Variants in ANKRD28 observed in about 807,000 individuals in gnomAD.
ANKRD28 encodes serine/threonine-protein phosphatase 6 regulatory ankyrin repeat subunit A.
Under a neutral mutation model 126.5 loss-of-function variants are expected in ANKRD28, and 44 were observed. The ratio of observed to expected loss-of-function variants is 0.35; its 90% CI spans 0.27 to 0.45. The LOEUF (loss-of-function observed/expected upper bound fraction) is 0.45. Ranked by LOEUF, ANKRD28 falls within the 20% of genes least tolerant of loss-of-function variation. ANKRD28 has a pLI of 1.00. For missense variants in ANKRD28, 1,110 were observed against 1,316.6 expected, an observed-to-expected ratio of 0.84 and a Z score of 2.43; for synonymous variants, 442 against 468.5, an observed-to-expected ratio of 0.94 and a Z score of 0.73.
chr3:15,728,695 C>T (rs1360232816), intron 6 of ANKRD28, among the ~76,000 whole-genome samples: 2 of 152,226 alleles, frequency 1.3e-5, no homozygotes, highest in East Asian at 1.9e-4. Flanking sequence ...AACTCACAAT[C>T]TCTCTGATCT....
chr3:15,855,265 T>A (rs569394520), intron 1 of ANKRD28, among the ~76,000 whole-genome samples: 2 of 152,142 alleles, frequency 1.3e-5, no homozygotes, highest in South Asian at 4.2e-4. Flanking sequence ...TTATTAACTA[T>A]CCAAAATAGT....
At chr3:15,748,751 G>A (rs1023923661) in intron 4 of ANKRD28, among the ~76,000 whole-genome samples, 2 of 152,130 alleles carry the variant, frequency 1.3e-5, no homozygotes, top group Admixed American at 6.5e-5. Context: ...TTGCAAGGCT[G>A]GGAAAGTTTC....
chr3:15,686,600 T>C lies in ANKRD28; in HGVS notation c.1964-291A>G, dbSNP rs1317777366. On this transcript the variant is annotated intron_variant, in intron 18 of 27. Transcript: ENST00000683139. ...CATTTTATTTAGCTCTCTGGCAATG[T>C]GGTCAGGAAGAGTGCCTTGACTCCA... The C allele has an allele frequency of 1.4e-5, 6 of 416,198 alleles. No individual in the cohort carries two copies. In the East Asian group the frequency reaches 3.3e-4, roughly 23 times the overall value. 25.8% of individuals were successfully genotyped at this position (416,198 alleles called of 1,614,324 possible). A position where few individuals can be genotyped will look rare whatever the true frequency, so the allele number is the denominator to read the frequency against.
At chr3:15,672,204 A>G (rs927812346) in intron 27 of ANKRD28, among the ~76,000 whole-genome samples, 3 of 149,230 alleles carry the variant, frequency 2.0e-5, no homozygotes, top group African/African-American at 5.0e-5. Context: ...GGAGTGCAGT[A>G]TAATGATCAT....
At chr3:15,802,759 T>C (rs948113216), upstream of ANKRD28, among the ~76,000 whole-genome samples, 2 of 152,188 alleles carry the variant, frequency 1.3e-5, no homozygotes, top group Non-Finnish European at 2.9e-5. Context: ...GGTACTGTTA[T>C]CAAATCTCTA....
intron 2 of ANKRD28, among the ~76,000 whole-genome samples, chr3:15,779,696 T>C (rs992738162): frequency 6.6e-6 from 1 of 152,220 alleles, no homozygotes; most frequent in Non-Finnish European, 1.5e-5. Flanking sequence ...TCCTACAATA[T>C]GGAAGGCATG....
chr3:15,807,114 C>T (rs1227649997), intron 1 of ANKRD28, among the ~76,000 whole-genome samples: 2 of 152,152 alleles, frequency 1.3e-5, no homozygotes, highest in Non-Finnish European at 2.9e-5. Flanking sequence ...CCTTCATAGC[C>T]ACATGTTAAT....
In ANKRD28 at chr3:15,793,322, A is replaced by C. The variant is rs142099830; in HGVS notation, c.201+1901T>G. ...ATCTTGACTTTAAGGCAACACTCTC[A>C]ACTACTAAGAAAGGGTCACGAGAGA... On this transcript the variant is annotated intron_variant, in intron 2 of 27. Coordinates refer to ENST00000683139, the MANE Select transcript of ANKRD28 (RefSeq NM_001349278.2). 4.1e-3 allele frequency among the ~76,000 whole-genome samples: 619 copies of C among 152,284 alleles called. 11 individuals carry two copies. Among genetic ancestry groups the C allele is most frequent in the Admixed American group, 0.027 (420 of 15,296 alleles).
intron 1 of ANKRD28, among the ~76,000 whole-genome samples, chr3:15,803,066 T>C (rs1575735665): frequency 6.6e-6 from 1 of 152,188 alleles, no homozygotes; most frequent in Non-Finnish European, 1.5e-5. Flanking sequence ...GAGAAGTGGG[T>C]ATGGTCATGT....
intron 2 of ANKRD28, among the ~76,000 whole-genome samples, chr3:15,777,849 T>TACACACACAC (rs569761948): frequency 0.065 from 6,841 of 106,024 alleles, 459 homozygotes; most frequent in Middle Eastern, 0.087. Flanking sequence ...AAAACCAAAC[T>TACACACACAC]ACACACACAC....
Position 15,729,140 on chromosome 3 carries a change from C to T in ANKRD28, c.641-4616G>A, listed in dbSNP as rs560847366. Among the ~76,000 whole-genome samples the T allele has an allele frequency of 2.6e-5, 4 of 152,282 alleles. No individual in the cohort carries two copies. The East Asian group carries it at 7.7e-4, about 29-fold the overall frequency. On this transcript the variant is annotated intron_variant, in intron 6 of 27. Transcript: ENST00000683139. ...TAGCCAAAACTAGTCCTAGGCCCCA[C>T]TCAACTACATAGAAAGGCCAGGAAG...
At chr3:15,670,590 T>C (rs759492779) in intron 27 of ANKRD28, 34 bp from the exon 28 acceptor site, 6 of 1,584,416 alleles carry the variant, frequency 3.8e-6, no homozygotes, top group Non-Finnish European at 4.3e-6. Context: ...AAATTAAGCA[T>C]CCTGAGATGT....
chr3:15,844,521 T>A (rs1411963271), intron 1 of ANKRD28, among the ~76,000 whole-genome samples: 1 of 151,906 alleles, frequency 6.6e-6, no homozygotes, highest in Non-Finnish European at 1.5e-5. Context: ...GGTGAGCAGG[T>A]AAAGGGTTCA....
At chr3:15,703,774 T>C (rs1292685395) in intron 14 of ANKRD28, among the ~76,000 whole-genome samples, 3 of 152,192 alleles carry the variant, frequency 2.0e-5, no homozygotes, top group African/African-American at 7.2e-5. Context: ...GGGTAATGGA[T>C]AGAGGACGGA....
intron 1 of ANKRD28, among the ~76,000 whole-genome samples, chr3:15,809,795 T>C (rs1364977192): frequency 1.3e-5 from 2 of 152,240 alleles, no homozygotes; most frequent in African/African-American, 4.8e-5. Context: ...TAAAATGTTG[T>C]CTACTTTTAT....
chr3:15,850,258 G>A lies in ANKRD28; in HGVS notation c.27+9119C>T, dbSNP rs74432167. ...AGAGAGAGAGAGAGAGAGAGAGAGA[G>A]AGAGAAAGTTGAAATCCTACCTCAT... On this transcript the variant is annotated intron_variant, in intron 1 of 27. Transcript: ENST00000399451. 5.0e-3 allele frequency among the ~76,000 whole-genome samples: 638 copies of A among 126,748 alleles called. 10 individuals carry two copies. The highest frequency in any genetic ancestry group is 0.019 in the East Asian group (59 of 3,106). 83.2% of individuals were successfully genotyped at this position (126,748 alleles called of 152,430 possible).
At chr3:15,798,942 G>A (rs1334276404), upstream of ANKRD28, among the ~76,000 whole-genome samples, 1 of 152,050 alleles carries the variant, frequency 6.6e-6, no homozygotes, top group Non-Finnish European at 1.5e-5. Flanking sequence ...GATATGCTAT[G>A]TGCTGTACAT....
chr3:15,735,368 C>T, intron 6 of ANKRD28, 42 bp downstream of exon 6: 1 of 1,438,976 alleles, frequency 6.9e-7, no homozygotes. Flanking sequence ...TACAACTTTT[C>T]TAAATATATA....
At chr3:15,767,786 G>C (rs558998226) in intron 2 of ANKRD28, among the ~76,000 whole-genome samples, 2 of 149,682 alleles carry the variant, frequency 1.3e-5, no homozygotes, top group South Asian at 4.2e-4. Context: ...TACTTGGGAG[G>C]CTGAGGCAGG....
Sources: allele counts gnomAD v4.1 joint callset (sites outside exome capture counted in the v4.1 genomes callset), GRCh38; gene constraint gnomAD v4.1.1; transcripts MANE v1.5; gene names NCBI Gene and HGNC (gene_info 2026-07-23, HGNC 2026-07-21).